WDR91: variants seen among roughly 807,000 people sequenced by gnomAD.
WDR91 encodes WD repeat-containing protein 91.
WDR91 carries 52 observed loss-of-function variants against 88.4 expected under a neutral mutation model. That is an observed-to-expected ratio of 0.59 (90% CI 0.47 to 0.74). The LOEUF (loss-of-function observed/expected upper bound fraction) is 0.74. Among genes scored for constraint, WDR91 ranks in the 30% least tolerant of loss-of-function variants. WDR91 has a pLI of 0.00. For missense variants in WDR91, 824 were observed against 954.5 expected (o/e 0.86, Z 1.80); for synonymous variants, 362 against 389.5 (o/e 0.93, Z 0.83).
intron 11 of WDR91, among the ~76,000 whole-genome samples, chr7:135,191,820 G>T (rs1247784655): frequency 4.6e-5 from 7 of 152,238 alleles, no homozygotes; most frequent in African/African-American, 1.7e-4. Context: ...GCTTTTGTAT[G>T]TATTCAATGT....
rs1210233421 is a variant in WDR91 at position 135,196,498 on chromosome 7, A to T, written c.1051-161T>A. On this transcript the variant is annotated intron_variant, in intron 7 of 14. Transcript: ENST00000354475. The surrounding 1 kb of genome is among the most constrained non-coding windows in gnomAD (Gnocchi z 4.2). The stretch of plus-strand genomic sequence containing the variant: ...GACCTGCGAGGGTAGTGCTCAGCTC[A>T]CCCTGGGAGAGTGCAGGGCCTGCCC... 6.6e-6 allele frequency among the ~76,000 whole-genome samples: 1 copy of T among 151,926 alleles called. No individual in the cohort carries two copies. The highest frequency in any genetic ancestry group is 1.5e-5 in the Non-Finnish European group (1 of 67,978).
chr7:135,187,114 G>A lies in WDR91; in HGVS notation c.1937C>T (p.Pro646Leu). 1 of 1,614,246 alleles carries A rather than the reference G, an allele frequency of 6.2e-7. No individual in the cohort carries two copies. Residue 646 changes from proline (P) to leucine (L), a missense_variant, in exon 14 of 15, where the codon CCC becomes CTC. By Grantham distance (98) the Pro-to-Leu change is moderately conservative. Coordinates refer to ENST00000354475, the MANE Select transcript of WDR91 (RefSeq NM_014149.4). ...SGLKVSEYSL[P>L]SDATGPFVLS... ...CACAAAGGGGCCCGTGGCATCTGAG[G>A]GGAGGCTGTACTCGGATACCTTGAG...
At chr7:135,198,284 G>C in intron 6 of WDR91, 133 bp from the exon 7 acceptor site, 2 of 1,053,068 alleles carry the variant, frequency 1.9e-6, no homozygotes, top group Non-Finnish European at 2.7e-6. Flanking sequence ...TGTTGGCTCA[G>C]CTATGTAGGT....
At chr7:135,203,105 C>G (rs142510) in intron 6 of WDR91, among the ~76,000 whole-genome samples, 103,469 of 152,094 alleles carry the variant, frequency 0.68, 35,910 homozygotes, top group Admixed American at 0.79. Flanking sequence ...GTGGGTTTAC[C>G]CAACCTGAGC....
rs113500515 is a variant in WDR91 at position 135,194,866 on chromosome 7, G to A, written c.1395+68C>T. The A allele has an allele frequency of 8.9e-5, 140 of 1,579,362 alleles. 1 individual carries two copies. Among genetic ancestry groups the A allele is most frequent in the South Asian group, 5.6e-4 (48 of 86,006 alleles). ...CTGGCTTGGCTGTCTTGACTCAGCC[G>A]GTGGAGAACCCTGGGGAATTCCTCC... On this transcript the variant is annotated intron_variant, in intron 9 of 14. Transcript: ENST00000354475.
chr7:135,204,700 G>A (rs1037208183), intron 5 of WDR91, among the ~76,000 whole-genome samples: 7 of 152,200 alleles, frequency 4.6e-5, no homozygotes, highest in East Asian at 1.9e-4. Context: ...CACTGGTCAC[G>A]TGTGCTACTG....
At chr7:135,197,011 G>A (rs1831400072) in intron 7 of WDR91, 1 of 152,328 alleles carries the variant, frequency 6.6e-6, no homozygotes, top group Non-Finnish European at 1.5e-5. Flanking sequence ...ACGTCCCTGG[G>A]ACAGCAGGTG....
At position 135,196,798 on chromosome 7, in the gene WDR91, C is replaced by A. The variant is rs1831391675; in HGVS notation, c.1051-461G>T. 6.6e-6 allele frequency among the ~76,000 whole-genome samples: 1 copy of A among 152,182 alleles called. No individual in the cohort carries two copies. The highest frequency in any genetic ancestry group is 1.5e-5 in the Non-Finnish European group (1 of 68,024). On this transcript the variant is annotated intron_variant, in intron 7 of 14. Coordinates refer to ENST00000354475, the MANE Select transcript of WDR91 (RefSeq NM_014149.4). This position sits in a 1 kb window ranked among gnomAD's most constrained non-coding sequence, Gnocchi z 4.2. ...TGAAAGAGAAGCCAAATCCCTTGCC[C>A]AAAGTCATATGGCTGGCAAGGGGGA...
In WDR91 at chr7:135,193,359, C is replaced by T. The variant is rs757193461; in HGVS notation, c.1531G>A (p.Val511Ile). ...LACSPNGASF[V>I]CSAAAPSLTS... ...AGGCTCGGAGCTGCTGCCGAACAGA[C>T]GAAAGAGGCCCCGTTGGGGCTGCAC... Residue 511 changes from valine (V) to isoleucine (I), a missense_variant, in exon 11 of 15, where the codon GTC (valine) becomes ATC (isoleucine). Transcript: ENST00000354475. 1.7e-5 allele frequency: 28 copies of T among 1,614,080 alleles called. No homozygotes were observed. The East Asian group carries it at 2.2e-4, about 13-fold the overall frequency.
chr7:135,195,142 G>T, intron 8 of WDR91, 58 bp from the exon 9 acceptor site: 4 of 1,553,684 alleles, frequency 2.6e-6, no homozygotes, highest in Non-Finnish European at 3.5e-6. Flanking sequence ...ATCCTCTTCT[G>T]CTAATGCCAA....
Position 135,209,738 on chromosome 7 carries a change from G to C in WDR91, c.141C>G (p.Asp47Glu). Residue 47 changes from aspartate to glutamate, a missense_variant, in exon 2 of 15, where the codon GAC (aspartate) becomes GAG (glutamate). Transcript: ENST00000354475. ...ACACCTGCATTAACTGCTGCAGCTG[G>C]TCCACAATCTTATCCACCTGGCGAG... ...EKGFRVDKIV[D>E]QLQQLMQVYD... The C allele has an allele frequency of 6.2e-7, 1 of 1,600,436 alleles. No individual in the cohort carries two copies. Among genetic ancestry groups the C allele is most frequent in the Non-Finnish European group, 8.5e-7 (1 of 1,172,890 alleles).
chr7:135,209,695 G>C lies in WDR91; in HGVS notation c.184C>G (p.Arg62Gly), dbSNP rs756257440. The stretch of plus-strand genomic sequence containing the variant: ...CGCTCCAAGTAGCTCCAATAATCCC[G>C]AAGGGCAGCCAAGTCATACACCTGC... ...LMQVYDLAALRDYWSYLERRL... is the reference protein window; with the variant it reads ...LMQVYDLAALGDYWSYLERRL... Residue 62 changes from arginine (R) to glycine (G), a missense_variant, in exon 2 of 15, where the codon CGG (arginine) becomes GGG (glycine). Physicochemically the swap from Arg to Gly is moderately radical, Grantham distance 125. Coordinates refer to ENST00000354475, the MANE Select transcript of WDR91 (RefSeq NM_014149.4). 1 of 1,613,326 alleles carries C rather than the reference G, an allele frequency of 6.2e-7. No homozygotes were observed. Among genetic ancestry groups the C allele is most frequent in the African/African-American group, 1.3e-5 (1 of 74,882 alleles).
At chr7:135,204,215 G>A (rs183678440) in intron 6 of WDR91, 53 bp downstream of exon 6, 1 of 1,593,568 alleles carries the variant, frequency 6.3e-7, no homozygotes, top group Non-Finnish European at 8.6e-7. Context: ...GGAAGCACAG[G>A]GAGCTGTCAC....
intron 1 of WDR91, chr7:135,210,716 C>T (rs1831983572): frequency 2.9e-6 from 2 of 695,562 alleles, no homozygotes; most frequent in Non-Finnish European, 5.3e-6. Context: ...TAACTTTGGC[C>T]AGGCAGGAAA....
chr7:135,192,310 G>A (rs1231416614), intron 11 of WDR91, among the ~76,000 whole-genome samples: 1 of 152,020 alleles, frequency 6.6e-6, no homozygotes, highest in Non-Finnish European at 1.5e-5. Context: ...TAGAGACAAG[G>A]GCTCACTACA....
In WDR91 at chr7:135,209,656, G is replaced by C. The variant is rs775811151; in HGVS notation, c.223C>G (p.Arg75Gly). The change falls in exon 2 of 15, where the codon CGC (arginine) becomes GGC (glycine). Residue 75 changes from arginine (R) to glycine (G), a missense_variant. Physicochemically the swap from Arg to Gly is moderately radical, Grantham distance 125 (BLOSUM62 -2). Coordinates refer to ENST00000354475, the MANE Select transcript of WDR91 (RefSeq NM_014149.4). ...GTGGGTCTGTATATATCCTCCAAGCGGCTGAAGAGCCGACGCTCCAAGTAG... is the reference window on the plus strand; with the variant it reads ...GTGGGTCTGTATATATCCTCCAAGCCGCTGAAGAGCCGACGCTCCAAGTAG... ...WSYLERRLFS[R>G]LEDIYRPTIH... The C allele has an allele frequency of 3.1e-6, 5 of 1,613,436 alleles. No homozygotes were observed. The highest frequency in any genetic ancestry group is 1.1e-5 in the South Asian group (1 of 90,962).
intron 3 of WDR91, among the ~76,000 whole-genome samples, chr7:135,208,588 C>T (rs1158731855): frequency 1.3e-5 from 2 of 152,214 alleles, no homozygotes; most frequent in East Asian, 3.8e-4. Flanking sequence ...ACTTCAGCAG[C>T]ACAGTGTCAG....
At chr7:135,198,185 C>A in intron 6 of WDR91, 34 bp from the exon 7 acceptor site, 1 of 1,596,940 alleles carries the variant, frequency 6.3e-7, no homozygotes, top group Non-Finnish European at 8.5e-7. Flanking sequence ...GAAGTCTCTT[C>A]CCATCTGCCC....
chr7:135,191,285 T>C (rs1350084177), intron 11 of WDR91, among the ~76,000 whole-genome samples: 2 of 152,204 alleles, frequency 1.3e-5, no homozygotes, highest in Non-Finnish European at 2.9e-5. Context: ...TAGGGATATA[T>C]AGTAATTGAC....
Sources: gnomAD v4.1 joint callset for allele counts (sites outside exome capture counted in the v4.1 genomes callset) on GRCh38, gnomAD v4.1.1 for gene constraint, Gnocchi (gnomAD v3.1) non-coding constraint, MANE v1.5 for transcripts, NCBI Gene and HGNC (gene_info 2026-07-23, HGNC 2026-07-21) for gene names.